PITPNC1: variants seen among roughly 807,000 people sequenced by gnomAD.
PITPNC1 encodes the protein cytoplasmic phosphatidylinositol transfer protein 1.
Under a neutral mutation model 44.7 loss-of-function variants are expected in PITPNC1, and 18 were observed. The ratio of observed to expected loss-of-function variants is 0.40; its 90% CI spans 0.28 to 0.60. The LOEUF (loss-of-function observed/expected upper bound fraction) is 0.60, where lower values mean the gene tolerates loss of function less well. Among genes scored for constraint, PITPNC1 ranks in the 20% least tolerant of loss-of-function variants. The probability of loss-of-function intolerance (pLI) is 0.39; values close to 1 mark genes in which losing one functional copy is unlikely to be tolerated. For synonymous variants in PITPNC1, 141 were observed against 149.6 expected, an observed-to-expected ratio of 0.94 and a Z score of 0.42; for missense variants, 290 against 418.4, an observed-to-expected ratio of 0.69 and a Z score of 2.68.
chr17:67,398,088 G>A (rs972850727), intron 1 of PITPNC1, among the ~76,000 whole-genome samples: 38 of 126,300 alleles, frequency 3.0e-4, no homozygotes, highest in Admixed American at 2.0e-3. Flanking sequence ...GCGAGACTCC[G>A]TCTCCAAAAA....
chr17:67,436,653 A>T (rs956097913), intron 1 of PITPNC1, among the ~76,000 whole-genome samples: 2 of 152,058 alleles, frequency 1.3e-5, no homozygotes, highest in African/African-American at 4.8e-5. Context: ...AATCTGATTC[A>T]TGTTTCTTGG....
At chr17:67,431,570 G>C (rs1051891693) in intron 1 of PITPNC1, among the ~76,000 whole-genome samples, 1 of 152,176 alleles carries the variant, frequency 6.6e-6, no homozygotes, top group Non-Finnish European at 1.5e-5. Flanking sequence ...TAAGGGTTTG[G>C]ACGTTGAGTG....
At position 67,586,869 on chromosome 17, in the gene PITPNC1, A is replaced by G. The variant is rs141800411; in HGVS notation, c.366+8612A>G. 1.1e-4 allele frequency among the ~76,000 whole-genome samples: 16 copies of G among 152,346 alleles called. No individual in the cohort carries two copies. In the South Asian group the frequency reaches 1.4e-3, roughly 14 times the overall value. ...AGGCAAGACTGGAAGCAGGGAGTCC[A>G]GTTGGTAGGCTATTGGAATGATCCA... On this transcript the variant is annotated intron_variant, in intron 5 of 8. Coordinates refer to ENST00000581322, the MANE Select transcript of PITPNC1 (RefSeq NM_012417.4).
At chr17:67,674,186 A>C (rs1175143772) in intron 7 of PITPNC1, among the ~76,000 whole-genome samples, 3 of 151,982 alleles carry the variant, frequency 2.0e-5, no homozygotes, top group African/African-American at 7.3e-5. Context: ...TACACTCTTA[A>C]GTTATTTTAA....
intron 6 of PITPNC1, among the ~76,000 whole-genome samples, chr17:67,666,841 T>C (rs977291837): frequency 6.6e-6 from 1 of 152,202 alleles, no homozygotes; most frequent in African/African-American, 2.4e-5. Flanking sequence ...AAGGGCAGCC[T>C]GAAAGCCCTC....
At chr17:67,635,662 A>G (rs1346606508) in intron 6 of PITPNC1, among the ~76,000 whole-genome samples, 1 of 152,202 alleles carries the variant, frequency 6.6e-6, no homozygotes, top group Admixed American at 6.5e-5. Flanking sequence ...GGATGGCAGC[A>G]TATGGAGATC....
chr17:67,686,136 A>G (rs2042811212), intron 8 of PITPNC1, among the ~76,000 whole-genome samples: 1 of 151,222 alleles, frequency 6.6e-6, no homozygotes, highest in Non-Finnish European at 1.5e-5. Flanking sequence ...TGGCCTGAAC[A>G]TTTTTATCAG....
intron 1 of PITPNC1, among the ~76,000 whole-genome samples, chr17:67,478,924 C>T (rs1480830159): frequency 6.6e-6 from 1 of 151,732 alleles, no homozygotes; most frequent in Non-Finnish European, 1.5e-5. Context: ...TCTTTCTTCT[C>T]CAGCCTCTCT....
At chr17:67,417,168 G>A (rs563494239) in intron 1 of PITPNC1, among the ~76,000 whole-genome samples, 1 of 152,024 alleles carries the variant, frequency 6.6e-6, no homozygotes, top group South Asian at 2.1e-4. Context: ...TTTTGCTCTT[G>A]TCACCCAGGC....
intron 5 of PITPNC1, among the ~76,000 whole-genome samples, chr17:67,628,267 G>A (rs374665813): frequency 6.6e-6 from 1 of 152,042 alleles, no homozygotes; most frequent in East Asian, 1.9e-4. Context: ...TTTGGTGATA[G>A]CTCCCCAGTC....
At chr17:67,486,527 A>G (rs1598732474) in intron 1 of PITPNC1, among the ~76,000 whole-genome samples, 1 of 152,198 alleles carries the variant, frequency 6.6e-6, no homozygotes, top group South Asian at 2.1e-4. Flanking sequence ...ACTGCTGTCC[A>G]TATGTTCCAT....
intron 1 of PITPNC1, among the ~76,000 whole-genome samples, chr17:67,525,583 C>T (rs1238694074): frequency 1.3e-5 from 2 of 152,200 alleles, no homozygotes; most frequent in African/African-American, 2.4e-5. Context: ...CTCACTGGAT[C>T]TCCTTTCCTG....
chr17:67,458,810 A>T (rs1223804492), intron 1 of PITPNC1, among the ~76,000 whole-genome samples: 1 of 152,174 alleles, frequency 6.6e-6, no homozygotes, highest in Non-Finnish European at 1.5e-5. Context: ...CCTTCAGAAC[A>T]ATTAGCATTG....
chr17:67,598,365 T>C (rs560393011), intron 5 of PITPNC1, among the ~76,000 whole-genome samples: 1 of 152,322 alleles, frequency 6.6e-6, no homozygotes, highest in Admixed American at 6.5e-5. Flanking sequence ...AACGAATGGG[T>C]GTTCGTGCTA....
At chr17:67,631,645 A>ATATATATATATATATATAT in intron 5 of PITPNC1, among the ~76,000 whole-genome samples, 1 of 8,002 alleles carries the variant, frequency 1.2e-4, no homozygotes. Context: ...CAAAAAAAAA[A>ATATATATATATATATATAT]AAAAAAAAAA....
intron 1 of PITPNC1, among the ~76,000 whole-genome samples, chr17:67,380,676 AC>A (rs2037945076): frequency 6.6e-6 from 1 of 152,172 alleles, no homozygotes; most frequent in South Asian, 2.1e-4. Flanking sequence ...CACAGTCTCC[AC>A]CATCCCCTTT....
chr17:67,587,428 A>C (rs193284795), intron 5 of PITPNC1, among the ~76,000 whole-genome samples: 68 of 152,320 alleles, frequency 4.5e-4, no homozygotes, highest in African/African-American at 1.4e-3. Flanking sequence ...CAGGCAGTCA[A>C]GGCTGCAGTG....
At chr17:67,484,410 T>G (rs967200363) in intron 1 of PITPNC1, among the ~76,000 whole-genome samples, 4 of 152,212 alleles carry the variant, frequency 2.6e-5, no homozygotes, top group African/African-American at 9.7e-5. Flanking sequence ...TTAGTCCAAA[T>G]TGGAACCGTC....
rs1190987180 is a variant in PITPNC1, at chr17:67,597,600, C to A, written c.366+19343C>A. Among the ~76,000 whole-genome samples the A allele has an allele frequency of 1.3e-5, 2 of 152,132 alleles. No homozygotes were observed. Among genetic ancestry groups the A allele is most frequent in the Non-Finnish European group, 2.9e-5 (2 of 68,020 alleles). On this transcript the variant is annotated intron_variant, in intron 5 of 8. Coordinates refer to ENST00000581322, the MANE Select transcript of PITPNC1 (RefSeq NM_012417.4). This position sits in a 1 kb window ranked among gnomAD's most constrained non-coding sequence, Gnocchi z 4.0. ...AAAAAACAGTTATCTTCCTCAATCC[C>A]TTTGTGTTAAGTTCCTAGTGGAAAT...
Sources: gnomAD v4.1 joint callset for allele counts (sites outside exome capture counted in the v4.1 genomes callset) on GRCh38, gnomAD v4.1.1 for gene constraint, Gnocchi (gnomAD v3.1) non-coding constraint, MANE v1.5 for transcripts, NCBI Gene and HGNC (gene_info 2026-07-23, HGNC 2026-07-21) for gene names.